Variants in TENM2 observed in about 807,000 individuals in gnomAD.
TENM2 encodes teneurin-2.
Under a neutral mutation model 245.2 loss-of-function variants are expected in TENM2, and 52 were observed. That is an observed-to-expected ratio of 0.21 (90% CI 0.17 to 0.27). The LOEUF (loss-of-function observed/expected upper bound fraction) is 0.27, where lower values mean the gene tolerates loss of function less well. TENM2 is among the 10% of genes least tolerant of loss of function. The probability of loss-of-function intolerance (pLI) is 1.00; values close to 1 mark genes in which losing one functional copy is unlikely to be tolerated. For missense variants in TENM2, 3,046 were observed against 3,666.8 expected (o/e 0.83, Z 4.37); for synonymous variants, 1,363 against 1,438.9 (o/e 0.95, Z 1.19).
chr5:168,159,718 T>C (rs1204933552), intron 12 of TENM2, among the ~76,000 whole-genome samples: 1 of 152,220 alleles, frequency 6.6e-6, no homozygotes, highest in African/African-American at 2.4e-5. Flanking sequence ...GCCCTGAAAC[T>C]TCTCAGAGAT....
At chr5:167,461,769 T>C (rs998646416) in intron 2 of TENM2, among the ~76,000 whole-genome samples, 1 of 152,220 alleles carries the variant, frequency 6.6e-6, no homozygotes, top group Admixed American at 6.5e-5. Context: ...ATCACTATTG[T>C]AGAGTATAAA....
chr5:167,770,706 T>TA (rs1304038585), intron 2 of TENM2, among the ~76,000 whole-genome samples: 4 of 152,186 alleles, frequency 2.6e-5, no homozygotes, highest in African/African-American at 9.6e-5. Context: ...TAGGGTCTGT[T>TA]ACGTAAGTCT....
At chr5:167,185,339 G>A in the TENM2 span, among the ~76,000 whole-genome samples, 1 of 152,114 alleles carries the variant, frequency 6.6e-6, no homozygotes, top group Non-Finnish European at 1.5e-5. Flanking sequence ...ATGTGCTGAT[G>A]TGATATTGTA....
At chr5:168,135,911 G>A (rs1406430935) in intron 12 of TENM2, among the ~76,000 whole-genome samples, 3 of 152,056 alleles carry the variant, frequency 2.0e-5, no homozygotes, top group Admixed American at 6.5e-5. Flanking sequence ...TTATTATTAA[G>A]GTCCTTAAAG....
intron 2 of TENM2, among the ~76,000 whole-genome samples, chr5:167,555,580 G>T (rs1270208326): frequency 6.6e-6 from 1 of 152,114 alleles, no homozygotes; most frequent in Non-Finnish European, 1.5e-5. Context: ...TGGAGGGATT[G>T]CTGGTATGGA....
At position 167,575,632 on chromosome 5, in the gene TENM2, C is replaced by T. The variant is rs190103206; in HGVS notation, c.502+200159C>T. On this transcript the variant is annotated intron_variant, in intron 2 of 28. Transcript: ENST00000518659. ...GACTGTGGGTCTGATCATACTTCAT[C>T]ATCCAGAGATAATCTCTGGTGGAAG... Among the ~76,000 whole-genome samples, 1,094 of 152,236 alleles carry T rather than the reference C, an allele frequency of 7.2e-3. 8 individuals are homozygous for T. The highest frequency in any genetic ancestry group is 0.012 in the Non-Finnish European group (823 of 68,026).
At chr5:167,045,145 T>C in the TENM2 span, among the ~76,000 whole-genome samples, 1 of 152,128 alleles carries the variant, frequency 6.6e-6, no homozygotes, top group African/African-American at 2.4e-5. Context: ...GAGGATACCA[T>C]GGGTATGGAC....
intron 7 of TENM2, chr5:168,085,667 A>G (rs1403675934): frequency 2.0e-5 from 3 of 152,312 alleles, no homozygotes; most frequent in Non-Finnish European, 4.4e-5. Flanking sequence ...CTGAGCTTTA[A>G]TGAGGAATCA....
chr5:167,613,677 G>GACA (rs1268148019), intron 2 of TENM2, among the ~76,000 whole-genome samples: 8 of 151,934 alleles, frequency 5.3e-5, no homozygotes, highest in Non-Finnish European at 5.9e-5. Flanking sequence ...GTTTATGCTC[G>GACA]ACCAGGACAG....
intron 2 of TENM2, among the ~76,000 whole-genome samples, chr5:167,850,800 A>G (rs963417282): frequency 6.6e-6 from 1 of 152,176 alleles, no homozygotes; most frequent in African/African-American, 2.4e-5. Context: ...ACCAGTATCC[A>G]AGGGCTGGCT....
At chr5:167,535,904 A>G (rs139188590) in intron 2 of TENM2, among the ~76,000 whole-genome samples, 1 of 152,340 alleles carries the variant, frequency 6.6e-6, no homozygotes, top group East Asian at 1.9e-4. Context: ...CATAAACTCA[A>G]CCTGCTTATG....
chr5:167,645,203 TA>T (rs1779850931), intron 2 of TENM2, among the ~76,000 whole-genome samples: 1 of 152,244 alleles, frequency 6.6e-6, no homozygotes, highest in South Asian at 2.1e-4. Flanking sequence ...CTTAGTCTAT[TA>T]ATCTAAAGGA....
At chr5:167,305,504 A>C (rs867651892) in intron 1 of TENM2, among the ~76,000 whole-genome samples, 1 of 152,336 alleles carries the variant, frequency 6.6e-6, no homozygotes, top group Non-Finnish European at 1.5e-5. Context: ...CAGGAAACTC[A>C]GACAGCTTGC....
intron 4 of TENM2, among the ~76,000 whole-genome samples, chr5:167,971,884 C>T (rs569128166): frequency 4.6e-5 from 7 of 152,314 alleles, no homozygotes; most frequent in African/African-American, 1.7e-4. Context: ...GAGTGAAGCT[C>T]AGAAAGTTCC....
chr5:167,365,123 A>T (rs923831782), intron 1 of TENM2, among the ~76,000 whole-genome samples: 1 of 152,054 alleles, frequency 6.6e-6, no homozygotes, highest in African/African-American at 2.4e-5. Context: ...CAAGCATGTA[A>T]TTTAGAAATC....
intron 9 of TENM2, among the ~76,000 whole-genome samples, chr5:168,113,896 A>T (rs1257369466): frequency 6.6e-6 from 1 of 152,232 alleles, no homozygotes; most frequent in Non-Finnish European, 1.5e-5. Flanking sequence ...GAAGAGAGAC[A>T]TGCGGAGACA....
At chr5:167,293,044 T>C (rs1754729585) in intron 1 of TENM2, among the ~76,000 whole-genome samples, 1 of 152,152 alleles carries the variant, frequency 6.6e-6, no homozygotes, top group Non-Finnish European at 1.5e-5. Context: ...CATGAAGACA[T>C]TTCAGGGAGA....
chr5:167,881,252 C>T (rs1206421586), intron 3 of TENM2, among the ~76,000 whole-genome samples: 8 of 152,188 alleles, frequency 5.3e-5, no homozygotes, highest in Non-Finnish European at 1.2e-4. Context: ...TTATTATGCA[C>T]ATTGATGATT....
intron 2 of TENM2, among the ~76,000 whole-genome samples, chr5:167,608,749 CATG>C: frequency 6.6e-6 from 1 of 152,230 alleles, no homozygotes; most frequent in East Asian, 1.9e-4. Flanking sequence ...AAAAACAAAA[CATG>C]ATTTTTTTGG....
Sources: gnomAD v4.1 joint callset for allele counts (sites outside exome capture counted in the v4.1 genomes callset) on GRCh38, gnomAD v4.1.1 for gene constraint, MANE v1.5 for transcripts, NCBI Gene and HGNC (gene_info 2026-07-23, HGNC 2026-07-21) for gene names.